Variants in NCAM1 observed in about 807,000 individuals in gnomAD.
NCAM1 encodes the protein antigen recognized by monoclonal antibody 5.1H11.
Under a neutral mutation model 109.8 loss-of-function variants are expected in NCAM1, and 14 were observed. The observed-to-expected ratio is 0.13, with a 90% CI of 0.08 to 0.20. NCAM1 has a LOEUF of 0.20. Among genes scored for constraint, NCAM1 ranks in the 10% least tolerant of loss-of-function variants. The probability of loss-of-function intolerance (pLI) is 1.00; values close to 1 mark genes in which losing one functional copy is unlikely to be tolerated. For synonymous variants in NCAM1, 418 were observed against 442.9 expected (o/e 0.94, Z 0.70); for missense variants, 774 against 1,109.9 (o/e 0.70, Z 4.30).
chr11:112,996,963 G>T (rs1278161544), intron 1 of NCAM1, among the ~76,000 whole-genome samples: 1 of 152,172 alleles, frequency 6.6e-6, no homozygotes, highest in African/African-American at 2.4e-5. Context: ...TTGTGGTAAG[G>T]ATTACTTTAT....
intron 14 of NCAM1, among the ~76,000 whole-genome samples, chr11:113,235,664 G>A (rs1256786303): frequency 3.9e-5 from 6 of 152,216 alleles, no homozygotes; most frequent in Admixed American, 3.9e-4. Flanking sequence ...CAGAAACCCA[G>A]CAAAGCCAAG....
chr11:113,245,342 T>C (rs1182820282), intron 14 of NCAM1, among the ~76,000 whole-genome samples: 1 of 152,176 alleles, frequency 6.6e-6, no homozygotes, highest in Non-Finnish European at 1.5e-5. Context: ...TTCAGGAGGC[T>C]GAGGCAGAAA....
chr11:113,272,514 C>G, intron 19 of NCAM1, among the ~76,000 whole-genome samples: 1 of 152,136 alleles, frequency 6.6e-6, no homozygotes, highest in Non-Finnish European at 1.5e-5. Flanking sequence ...CCCTGCAGGA[C>G]AGCTGGGCCC....
At chr11:113,059,106 T>C (rs1170564403) in intron 1 of NCAM1, among the ~76,000 whole-genome samples, 1 of 152,214 alleles carries the variant, frequency 6.6e-6, no homozygotes, top group Non-Finnish European at 1.5e-5. Flanking sequence ...CCCACTTGCC[T>C]ATGACAAGGT....
At chr11:112,983,925 A>C (rs184292287) in intron 1 of NCAM1, among the ~76,000 whole-genome samples, 106 of 152,084 alleles carry the variant, frequency 7.0e-4, no homozygotes, top group African/African-American at 2.5e-3. Flanking sequence ...CTTAAAGTCT[A>C]CTGTCTTAGC....
intron 14 of NCAM1, among the ~76,000 whole-genome samples, chr11:113,238,333 C>G (rs573193955): frequency 6.6e-6 from 1 of 152,168 alleles, no homozygotes; most frequent in Non-Finnish European, 1.5e-5. Flanking sequence ...GAGTTGAGCA[C>G]GCCTTTTGCA....
rs1246754023 is a variant in NCAM1, at chr11:113,271,936, A to G, written c.2456+60A>G. Reference sequence around the variant, plus strand: ...TAGAGACCCCCACACCCACCTCCCCACCCTACCCCCACCTCCCGTGCCCCT... The same window carrying G: ...TAGAGACCCCCACACCCACCTCCCCGCCCTACCCCCACCTCCCGTGCCCCT... On this transcript the variant is annotated intron_variant, in intron 19 of 19. Coordinates refer to ENST00000316851, the MANE Select transcript of NCAM1 (RefSeq NM_181351.5). 3 of 1,035,090 alleles carry G rather than the reference A, an allele frequency of 2.9e-6. No homozygotes were observed. The East Asian group carries it at 1.4e-4, about 47-fold the overall frequency. The allele number at this position is 1,035,090 out of a possible 1,614,324, so 64.1% of individuals were successfully genotyped here. A position where few individuals can be genotyped will look rare whatever the true frequency, so the allele number is the denominator to read the frequency against.
chr11:113,238,100 T>C (rs1306885908), intron 14 of NCAM1, among the ~76,000 whole-genome samples: 1 of 152,052 alleles, frequency 6.6e-6, no homozygotes, highest in Non-Finnish European at 1.5e-5. Flanking sequence ...CCTTGTTGTT[T>C]ATTGTCTGAT....
chr11:113,180,522 TG>T (rs571798226), intron 1 of NCAM1, among the ~76,000 whole-genome samples: 72 of 152,374 alleles, frequency 4.7e-4, no homozygotes, highest in Non-Finnish European at 9.7e-4. Context: ...TCATAAAGCC[TG>T]ATGTAGGAGC....
chr11:113,024,254 G>C (rs530006506), intron 1 of NCAM1, among the ~76,000 whole-genome samples: 12 of 152,260 alleles, frequency 7.9e-5, no homozygotes, highest in African/African-American at 2.9e-4. Flanking sequence ...TCAAAGTTAG[G>C]GTAATTTGTG....
chr11:113,270,414 A>G lies in NCAM1; in HGVS notation c.2339+19A>G. 1 of 1,613,172 alleles carries G rather than the reference A, an allele frequency of 6.2e-7. No homozygotes were observed. Among genetic ancestry groups the G allele is most frequent in the South Asian group, 1.1e-5 (1 of 91,018 alleles). ...CCTTCTCGTGAGTGCAGACCTGTCC[A>G]CCTTGCTGAGGTTTGGGCTCTGCTC... On this transcript the variant is annotated intron_variant, in intron 18 of 19. Coordinates refer to ENST00000316851, the MANE Select transcript of NCAM1 (RefSeq NM_181351.5).
Position 113,260,273 on chromosome 11 carries a change from A to G in NCAM1, c.2081A>G (p.Lys694Arg), listed in dbSNP as rs1945952050. 6.2e-7 allele frequency: 1 copy of G among 1,613,840 alleles called. No individual in the cohort carries two copies. Among genetic ancestry groups the G allele is most frequent in the Admixed American group, 1.7e-5 (1 of 60,002 alleles). ...VVAENQQGKSKAAHFVFRTSA... is the reference protein window; with the variant it reads ...VVAENQQGKSRAAHFVFRTSA... ...GCTGAGAACCAGCAAGGAAAATCCA[A>G]GGCGGCTCATTTTGTGTTCAGGACC... Residue 694 changes from lysine (K) to arginine (R), a missense_variant, in exon 17 of 20, where the codon AAG (lysine) becomes AGG (arginine). Transcript: ENST00000316851.
intron 1 of NCAM1, among the ~76,000 whole-genome samples, chr11:113,019,336 G>C (rs1242751390): frequency 6.6e-6 from 1 of 152,164 alleles, no homozygotes; most frequent in Non-Finnish European, 1.5e-5. Context: ...CAGGCATTTA[G>C]GGACGTCGCT....
intron 1 of NCAM1, among the ~76,000 whole-genome samples, chr11:113,121,782 T>TA (rs1555096128): frequency 6.6e-6 from 1 of 152,198 alleles, no homozygotes; most frequent in Non-Finnish European, 1.5e-5. Flanking sequence ...TTTGGGTGCC[T>TA]ATCCAGAGAT....
chr11:113,115,933 CT>C (rs1940681199), intron 1 of NCAM1, among the ~76,000 whole-genome samples: 1 of 152,162 alleles, frequency 6.6e-6, no homozygotes, highest in African/African-American at 2.4e-5. Context: ...TATGGATCTC[CT>C]TTAAGGAGGA....
intron 1 of NCAM1, among the ~76,000 whole-genome samples, chr11:113,150,055 C>A (rs1205580964): frequency 6.6e-6 from 1 of 152,094 alleles, no homozygotes; most frequent in African/African-American, 2.4e-5. Context: ...CAGTGTACTC[C>A]ATTTGTCCAG....
intron 1 of NCAM1, among the ~76,000 whole-genome samples, chr11:113,054,144 G>T (rs1953609692): frequency 6.6e-6 from 1 of 152,200 alleles, no homozygotes; most frequent in South Asian, 2.1e-4. Context: ...GCTCATAGAT[G>T]TTGGAATCCA....
rs563464508 is a variant in NCAM1 at position 113,024,705 on chromosome 11, G to GA, written c.52+63049dup. Among the ~76,000 whole-genome samples, 43 of 151,912 alleles carry GA rather than the reference G, an allele frequency of 2.8e-4. No individual in the cohort carries two copies. In the South Asian group the frequency reaches 7.9e-3, roughly 28 times the overall value. On this transcript the variant is annotated intron_variant, in intron 1 of 19. Transcript: ENST00000316851. ...AGACTTATGGTATGGTGAAAAAAAAGAAAAAAAACTGAAGCCAGGGGTAAT... is the reference window on the plus strand; with the variant it reads ...AGACTTATGGTATGGTGAAAAAAAAGAAAAAAAAACTGAAGCCAGGGGTAAT...
intron 1 of NCAM1, among the ~76,000 whole-genome samples, chr11:113,050,650 C>T (rs1953449861): frequency 4.3e-5 from 4 of 92,184 alleles, no homozygotes; most frequent in South Asian, 9.8e-4. Context: ...AATTCAAAAC[C>T]CAGTACAAAA....
Sources: gnomAD v4.1 joint callset for allele counts (sites outside exome capture counted in the v4.1 genomes callset) on GRCh38, gnomAD v4.1.1 for gene constraint, MANE v1.5 for transcripts, NCBI Gene and HGNC (gene_info 2026-07-23, HGNC 2026-07-21) for gene names.